RHOH: variants seen among roughly 807,000 people sequenced by gnomAD.
The protein encoded by RHOH is rho-related GTP-binding protein RhoH.
In RHOH, 6 loss-of-function variants were observed where a neutral mutation model predicts 13.8. The ratio of observed to expected loss-of-function variants is 0.44; its 90% CI spans 0.24 to 0.86. RHOH has a LOEUF of 0.86. Among genes scored for constraint, RHOH ranks in the 40% least tolerant of loss-of-function variants. The pLI is 0.24. For missense variants in RHOH, 147 were observed against 244.5 expected, an observed-to-expected ratio of 0.60 and a Z score of 2.66; for synonymous variants, 117 against 103.0, an observed-to-expected ratio of 1.14 and a Z score of -0.82.
chr4:40,198,863 G>A (rs1193153520), intron 1 of RHOH, among the ~76,000 whole-genome samples: 1 of 152,150 alleles, frequency 6.6e-6, no homozygotes, highest in African/African-American at 2.4e-5. Flanking sequence ...GAGATGGCAC[G>A]GGTATGCTTC....
At chr4:40,235,082 A>C (rs1305040066) in intron 1 of RHOH, 1 of 152,228 alleles carries the variant, frequency 6.6e-6, no homozygotes, top group Non-Finnish European at 1.5e-5. Context: ...TGGTGAAATA[A>C]ATTCTTGCAA....
At chr4:40,203,506 G>A (rs189308426) in intron 1 of RHOH, among the ~76,000 whole-genome samples, 59 of 151,970 alleles carry the variant, frequency 3.9e-4, no homozygotes, top group African/African-American at 1.4e-3. Flanking sequence ...TTTGTCCAGG[G>A]AAGGTATATC....
At chr4:40,233,656 C>A (rs1322465585) in intron 1 of RHOH, among the ~76,000 whole-genome samples, 1 of 152,166 alleles carries the variant, frequency 6.6e-6, no homozygotes, top group African/African-American at 2.4e-5. Context: ...CAGTCATAGG[C>A]AACATGTCAA....
chr4:40,227,349 A>G (rs1253397135), intron 1 of RHOH, among the ~76,000 whole-genome samples: 1 of 152,208 alleles, frequency 6.6e-6, no homozygotes, highest in African/African-American at 2.4e-5. Context: ...GAAATTAAGT[A>G]TGGGCTATAC....
Position 40,227,557 on chromosome 4 carries a change from C to T in RHOH, c.-330-15157C>T, listed in dbSNP as rs369956117. Among the ~76,000 whole-genome samples, 10 of 151,978 alleles carry T rather than the reference C, an allele frequency of 6.6e-5. No individual in the cohort carries two copies. The East Asian group carries it at 1.2e-3, about 18-fold the overall frequency. On this transcript the variant is annotated intron_variant, in intron 1 of 2. Transcript: ENST00000381799. ...ATCTCATCATGCTGAGTTTTTTTTCCGCAGCAGGGAACATGCTACTTTACA... is the reference window on the plus strand; with the variant it reads ...ATCTCATCATGCTGAGTTTTTTTTCTGCAGCAGGGAACATGCTACTTTACA...
intron 1 of RHOH, among the ~76,000 whole-genome samples, chr4:40,229,815 C>T (rs1212435692): frequency 6.6e-6 from 1 of 151,984 alleles, no homozygotes; most frequent in Non-Finnish European, 1.5e-5. Context: ...ATTGTTTTTG[C>T]TTGTTTTCTG....
At chr4:40,209,125 G>T (rs568104836) in intron 1 of RHOH, among the ~76,000 whole-genome samples, 5 of 152,190 alleles carry the variant, frequency 3.3e-5, no homozygotes, top group South Asian at 2.1e-4. Flanking sequence ...AAATGATTCT[G>T]ACATGAGAGT....
At chr4:40,214,777 G>C (rs2109419556) in intron 1 of RHOH, among the ~76,000 whole-genome samples, 1 of 152,268 alleles carries the variant, frequency 6.6e-6, no homozygotes, top group African/African-American at 2.4e-5. Context: ...AAGACCATGG[G>C]GGAGAGGGTA....
At chr4:40,195,591 G>C (rs1723060484), upstream of RHOH, among the ~76,000 whole-genome samples, 1 of 152,028 alleles carries the variant, frequency 6.6e-6, no homozygotes, top group African/African-American at 2.4e-5. Context: ...CTCCTGAGTA[G>C]CTGGGACTAC....
intron 1 of RHOH, among the ~76,000 whole-genome samples, chr4:40,210,118 G>GTGTTTC (rs1450840129): frequency 6.6e-6 from 1 of 150,694 alleles, no homozygotes; most frequent in African/African-American, 2.5e-5. Flanking sequence ...GTGTGTGTGT[G>GTGTTTC]TGTGTTTCTG....
chr4:40,204,021 A>G (rs553889847), intron 1 of RHOH, among the ~76,000 whole-genome samples: 9 of 152,248 alleles, frequency 5.9e-5, no homozygotes, highest in Non-Finnish European at 1.2e-4. Context: ...TTTTATATAC[A>G]GAACTCAGCA....
Position 40,244,220 on chromosome 4 carries a change from G to A in RHOH, c.*258G>A. On this transcript the variant is annotated 3_prime_UTR_variant, in exon 3 of 3. Coordinates refer to ENST00000381799, the MANE Select transcript of RHOH (RefSeq NM_004310.5). Reference sequence around the variant, plus strand: ...ATATTCCATCTTTGATTAAAAAAGTGAAATAGTCTCCATAATTTTGGACGA... The same window carrying A: ...ATATTCCATCTTTGATTAAAAAAGTAAAATAGTCTCCATAATTTTGGACGA... 1 of 373,570 alleles carries A rather than the reference G, an allele frequency of 2.7e-6. No individual in the cohort carries two copies. Among genetic ancestry groups the A allele is most frequent in the Non-Finnish European group, 5.0e-6 (1 of 200,524 alleles). The allele number at this position is 373,570 out of a possible 1,614,324, so 23.1% of individuals were successfully genotyped here.
chr4:40,220,576 A>G (rs1726438136), intron 1 of RHOH, among the ~76,000 whole-genome samples: 1 of 152,168 alleles, frequency 6.6e-6, no homozygotes, highest in Non-Finnish European at 1.5e-5. Context: ...TAGAGAAAAA[A>G]AAGTGAGGAT....
At chr4:40,201,268 TG>T (rs1450105604) in intron 1 of RHOH, among the ~76,000 whole-genome samples, 2 of 152,062 alleles carry the variant, frequency 1.3e-5, no homozygotes, top group African/African-American at 4.8e-5. Context: ...CCTTTTTTTT[TG>T]CATTAGGTTT....
upstream of RHOH, among the ~76,000 whole-genome samples, chr4:40,194,573 G>A (rs551472994): frequency 8.6e-5 from 13 of 151,758 alleles, no homozygotes; most frequent in South Asian, 1.3e-3. Context: ...ACTGGGTGTC[G>A]CTATGTTGCT....
intron 1 of RHOH, among the ~76,000 whole-genome samples, chr4:40,223,767 G>GT (rs56144023): frequency 0.034 from 2,859 of 83,896 alleles, 355 homozygotes; most frequent in African/African-American, 0.12. Flanking sequence ...AACATAACTT[G>GT]TTTTTTTTTT....
chr4:40,213,373 T>C (rs1725501996), intron 1 of RHOH, among the ~76,000 whole-genome samples: 1 of 140,718 alleles, frequency 7.1e-6, no homozygotes. Context: ...TTTTTTTTTT[T>C]CTCTCTCTCT....
rs539417437 is a variant in RHOH at position 40,212,342 on chromosome 4, T to G, written c.-331+15042T>G. Among the ~76,000 whole-genome samples the G allele has an allele frequency of 3.0e-3, 453 of 152,206 alleles. 2 individuals are homozygous for G. The highest frequency in any genetic ancestry group is 0.01 in the African/African-American group (428 of 41,524). The stretch of plus-strand genomic sequence containing the variant: ...CAGCCTATCGTCAGAGTGCAACACG[T>G]TTGAGGAATTATTGCATGATTGATA... On this transcript the variant is annotated intron_variant, in intron 1 of 2. Coordinates refer to ENST00000381799, the MANE Select transcript of RHOH (RefSeq NM_004310.5).
intron 1 of RHOH, among the ~76,000 whole-genome samples, chr4:40,232,091 C>T (rs1306199318): frequency 6.6e-6 from 1 of 152,230 alleles, no homozygotes; most frequent in East Asian, 1.9e-4. Flanking sequence ...AAGTTTATGT[C>T]TGGTGTTGCC....
Sources: gnomAD v4.1 joint callset for allele counts (sites outside exome capture counted in the v4.1 genomes callset) on GRCh38, gnomAD v4.1.1 for gene constraint, MANE v1.5 for transcripts, NCBI Gene and HGNC (gene_info 2026-07-23, HGNC 2026-07-21) for gene names.